CALN1: variants seen among roughly 807,000 people sequenced by gnomAD.
CALN1 encodes the protein calneuron 1, also known as calcium-binding protein 8.
CALN1 carries 17 observed loss-of-function variants against 30.6 expected under a neutral mutation model. The ratio of observed to expected loss-of-function variants is 0.56; its 90% CI spans 0.38 to 0.83. The LOEUF (loss-of-function observed/expected upper bound fraction) is 0.83, where lower values mean the gene tolerates loss of function less well. Among genes scored for constraint, CALN1 ranks in the 40% least tolerant of loss-of-function variants. The pLI, the probability that CALN1 is intolerant of heterozygous loss-of-function variation, is 0.00. For synonymous variants in CALN1, 156 were observed against 131.4 expected, an observed-to-expected ratio of 1.19 and a Z score of -1.28; for missense variants, 291 against 354.9, an observed-to-expected ratio of 0.82 and a Z score of 1.45.
chr7:72,302,762 G>A (rs1445465067), intron 2 of CALN1, among the ~76,000 whole-genome samples: 2 of 151,822 alleles, frequency 1.3e-5, no homozygotes, highest in Non-Finnish European at 1.5e-5. Context: ...AGGTGTGATG[G>A]TGGGCACCTG....
Position 72,023,678 on chromosome 7 carries a change from C to T in CALN1, c.480G>A (p.Thr160=), listed in dbSNP as rs774302783. The change falls in exon 5 of 7, where the codon ACG becomes ACA. Residue 160 remains threonine (T), a synonymous_variant. Coordinates refer to ENST00000395275, the MANE Select transcript of CALN1 (RefSeq NM_031468.4). ...SEGRDGFLGN[T]IDSIFWQFDM... is the part of the protein sequence containing the mutation. Reference sequence around the variant, plus strand: ...TCACCTGCCAGAATATGCTGTCTATCGTGTTCCCAAGAAAACCATCGCGAC... The same window carrying T: ...TCACCTGCCAGAATATGCTGTCTATTGTGTTCCCAAGAAAACCATCGCGAC... 3.7e-6 allele frequency: 6 copies of T among 1,613,794 alleles called. No homozygotes were observed. In the Admixed American group the frequency reaches 5.0e-5, roughly 13 times the overall value.
At chr7:72,339,311 C>A (rs1355100342) in intron 2 of CALN1, among the ~76,000 whole-genome samples, 4 of 152,252 alleles carry the variant, frequency 2.6e-5, no homozygotes, top group South Asian at 4.1e-4. Context: ...ATACTAATTT[C>A]TTTTCTTTGG....
chr7:72,410,954 T>A (rs72607595), intron 1 of CALN1, among the ~76,000 whole-genome samples: 1 of 144,948 alleles, frequency 6.9e-6, no homozygotes, highest in African/African-American at 2.5e-5. Context: ...GGAAAAGAAA[T>A]AAAGTTATTT....
At chr7:72,107,256 T>C (rs1230383844) in intron 3 of CALN1, among the ~76,000 whole-genome samples, 3 of 152,204 alleles carry the variant, frequency 2.0e-5, no homozygotes, top group African/African-American at 4.8e-5. Flanking sequence ...TGCAGGCATA[T>C]TTCAGATCCC....
chr7:72,089,314 C>T (rs1225503514), intron 4 of CALN1, among the ~76,000 whole-genome samples: 1 of 152,074 alleles, frequency 6.6e-6, no homozygotes, highest in Non-Finnish European at 1.5e-5. Flanking sequence ...AAGATATCTA[C>T]CTTCCACACA....
At chr7:72,322,126 G>A (rs1585481029) in intron 2 of CALN1, among the ~76,000 whole-genome samples, 1 of 152,152 alleles carries the variant, frequency 6.6e-6, no homozygotes, top group Non-Finnish European at 1.5e-5. Context: ...TGTAGAATCA[G>A]TGGGAGCCCT....
intron 3 of CALN1, among the ~76,000 whole-genome samples, chr7:72,199,793 T>C (rs756817883): frequency 3.3e-5 from 5 of 152,070 alleles, no homozygotes; most frequent in African/African-American, 4.8e-5. Flanking sequence ...TGAGCTGTGA[T>C]TGCACCACTA....
At chr7:72,024,476 G>T (rs917100391) in intron 4 of CALN1, among the ~76,000 whole-genome samples, 1 of 152,136 alleles carries the variant, frequency 6.6e-6, no homozygotes, top group Non-Finnish European at 1.5e-5. Flanking sequence ...TCGGCTCACT[G>T]CAACCTCTGC....
intron 1 of CALN1, among the ~76,000 whole-genome samples, chr7:72,425,959 A>G (rs1034036364): frequency 4.6e-5 from 7 of 152,126 alleles, no homozygotes; most frequent in Admixed American, 1.3e-4. Flanking sequence ...AGCCGAAGAC[A>G]TAAGGAACCA....
rs1317389510 is a variant in CALN1 at position 72,264,388 on chromosome 7, A to C, written c.244+14298T>G. Among the ~76,000 whole-genome samples the C allele has an allele frequency of 1.3e-5, 2 of 152,204 alleles. 1 individual carries two copies. The highest frequency in any genetic ancestry group is 4.8e-5 in the African/African-American group (2 of 41,450). ...TATAAAAGCCAGTTAAGATCTTTGA[A>C]CAAAATATATCTTCAAAAAAGGACA... On this transcript the variant is annotated intron_variant, in intron 3 of 6. Transcript: ENST00000395275.
chr7:72,154,585 T>G (rs926085267), intron 3 of CALN1, among the ~76,000 whole-genome samples: 2 of 152,174 alleles, frequency 1.3e-5, no homozygotes, highest in African/African-American at 4.8e-5. Context: ...CTGAGAAACC[T>G]TTACCCTTTT....
intron 3 of CALN1, among the ~76,000 whole-genome samples, chr7:72,172,217 C>T (rs1458967828): frequency 6.6e-6 from 1 of 152,182 alleles, no homozygotes; most frequent in East Asian, 1.9e-4. Context: ...GACTCCCTGT[C>T]CACCTCTTAG....
chr7:72,311,496 G>A (rs1315607258), intron 2 of CALN1, among the ~76,000 whole-genome samples: 2 of 151,656 alleles, frequency 1.3e-5, no homozygotes, highest in Non-Finnish European at 2.9e-5. Context: ...GTGTGTGTGT[G>A]TAAGACAAGG....
At chr7:71,869,371 T>C (rs2116721891) in intron 5 of CALN1, among the ~76,000 whole-genome samples, 1 of 152,250 alleles carries the variant, frequency 6.6e-6, no homozygotes, top group African/African-American at 2.4e-5. Flanking sequence ...CCACCATGCC[T>C]GGCTAATTTT....
At chr7:72,396,699 G>GGA (rs1562946325) in intron 2 of CALN1, among the ~76,000 whole-genome samples, 1 of 152,110 alleles carries the variant, frequency 6.6e-6, no homozygotes, top group African/African-American at 2.4e-5. Context: ...GGGAGTTGAA[G>GGA]ATGTTTCTGC....
At chr7:71,858,154 T>C (rs1314631719) in intron 5 of CALN1, among the ~76,000 whole-genome samples, 1 of 152,184 alleles carries the variant, frequency 6.6e-6, no homozygotes, top group Non-Finnish European at 1.5e-5. Context: ...CTCCATGCTG[T>C]CCTCATGATA....
chr7:72,287,911 C>T (rs181603692), intron 2 of CALN1, among the ~76,000 whole-genome samples: 14 of 151,828 alleles, frequency 9.2e-5, no homozygotes, highest in African/African-American at 2.9e-4. Context: ...ATTGAGTATG[C>T]GAATCTTTAC....
chr7:71,913,210 C>A (rs60847245), intron 5 of CALN1, among the ~76,000 whole-genome samples: 11,087 of 152,228 alleles, frequency 0.073, 1,300 homozygotes, highest in African/African-American at 0.25. Flanking sequence ...GAGGAGCTGG[C>A]CAGGCCAGGG....
chr7:71,787,704 G>A lies in CALN1; in HGVS notation c.*71C>T. 1 of 1,587,320 alleles carries A rather than the reference G, an allele frequency of 6.3e-7. No homozygotes were observed. Among genetic ancestry groups the A allele is most frequent in the Middle Eastern group, 2.1e-4 (1 of 4,662 alleles). ...TCCATAGGTCCGTGTCTGCTGTGTG[G>A]AGGAAGAGTCTGCCCGCACGGCATG... On this transcript the variant is annotated 3_prime_UTR_variant, in exon 7 of 7. Coordinates refer to ENST00000395275, the MANE Select transcript of CALN1 (RefSeq NM_031468.4).
Sources: gnomAD v4.1 joint callset for allele counts (sites outside exome capture counted in the v4.1 genomes callset) on GRCh38, gnomAD v4.1.1 for gene constraint, MANE v1.5 for transcripts, NCBI Gene and HGNC (gene_info 2026-07-23, HGNC 2026-07-21) for gene names.